The following AMPD1 variants were observed in gnomAD, a reference collection of about 807,000 sequenced individuals.
AMPD1 encodes the protein adenosine monophosphate deaminase 1.
A neutral mutation model predicts 82.9 loss-of-function variants in AMPD1; 74 were observed. The ratio of observed to expected loss-of-function variants is 0.89; its 90% CI spans 0.74 to 1.08. The LOEUF is 1.08. AMPD1 is among the 50% of genes least tolerant of loss of function. The pLI, the probability that AMPD1 is intolerant of heterozygous loss-of-function variation, is 0.00. For synonymous variants in AMPD1, 333 were observed against 320.5 expected, an observed-to-expected ratio of 1.04 and a Z score of -0.42; for missense variants, 881 against 924.5, an observed-to-expected ratio of 0.95 and a Z score of 0.61.
intron 9 of AMPD1, 57 bp downstream of exon 9, chr1:114,677,853 C>T: frequency 2.2e-6 from 3 of 1,378,750 alleles, no homozygotes; most frequent in Non-Finnish European, 2.9e-6. Context: ...TTCCTTCCTT[C>T]TTCCCTTTCC....
intron 6 of AMPD1, 75 bp from the exon 7 acceptor site, chr1:114,679,783 C>G: frequency 6.6e-7 from 1 of 1,515,834 alleles, no homozygotes; most frequent in South Asian, 1.1e-5. Context: ...TCAAAACTAT[C>G]AGGACCTTTA....
At chr1:114,686,393 G>A (rs1658318825) in intron 4 of AMPD1, among the ~76,000 whole-genome samples, 1 of 151,982 alleles carries the variant, frequency 6.6e-6, no homozygotes, top group Admixed American at 6.6e-5. Context: ...CCTCCCCAGA[G>A]GCTCCCTTTT....
At chr1:114,695,186 T>G (rs1361998579) in intron 1 of AMPD1, among the ~76,000 whole-genome samples, 2 of 152,118 alleles carry the variant, frequency 1.3e-5, no homozygotes, top group African/African-American at 4.8e-5. Flanking sequence ...AGAATAGATA[T>G]TAAATATTTC....
intron 12 of AMPD1, 120 bp downstream of exon 12, chr1:114,675,410 A>C: frequency 8.9e-7 from 1 of 1,118,202 alleles, no homozygotes; most frequent in Non-Finnish European, 1.3e-6. Context: ...GAAATTTCTG[A>C]TTTGGGCCAA....
chr1:114,677,819 T>TTCCTTCCG, intron 9 of AMPD1, 91 bp downstream of exon 9: 1 of 1,028,610 alleles, frequency 9.7e-7, no homozygotes, highest in Non-Finnish European at 1.4e-6. Flanking sequence ...CCTTCCTTCC[T>TTCCTTCCG]TCCTTCCTTC....
chr1:114,679,973 C>T (rs1658109327), intron 6 of AMPD1, among the ~76,000 whole-genome samples: 1 of 152,214 alleles, frequency 6.6e-6, no homozygotes, highest in African/African-American at 2.4e-5. Flanking sequence ...AGTTTGGGGT[C>T]AGCAGATTCG....
intron 9 of AMPD1, 128 bp from the exon 10 acceptor site, chr1:114,677,642 A>T: frequency 7.7e-7 from 1 of 1,297,330 alleles, no homozygotes; most frequent in African/African-American, 1.5e-5. Flanking sequence ...AATCAATCTC[A>T]AAACCACACC....
chr1:114,686,205 T>C (rs1367947935), intron 4 of AMPD1, among the ~76,000 whole-genome samples: 2 of 152,202 alleles, frequency 1.3e-5, no homozygotes, highest in African/African-American at 2.4e-5. Context: ...AAAAAAACAA[T>C]AGCCTCGTTA....
At chr1:114,684,663 A>G (rs1658260012) in intron 4 of AMPD1, among the ~76,000 whole-genome samples, 1 of 152,220 alleles carries the variant, frequency 6.6e-6, no homozygotes, top group Admixed American at 6.5e-5. Flanking sequence ...TATCTAGCAA[A>G]TAGGATTAAA....
chr1:114,691,921 T>A (rs1252142346), intron 2 of AMPD1, among the ~76,000 whole-genome samples: 1 of 151,932 alleles, frequency 6.6e-6, no homozygotes, highest in Non-Finnish European at 1.5e-5. Context: ...CAAGACTCCG[T>A]CTCAAAAATA....
At chr1:114,680,800 C>A in intron 5 of AMPD1, among the ~76,000 whole-genome samples, 1 of 152,094 alleles carries the variant, frequency 6.6e-6, no homozygotes, top group East Asian at 1.9e-4. Context: ...AACCCCGTCT[C>A]TACTACAAAT....
intron 1 of AMPD1, 25 bp downstream of exon 1, chr1:114,695,425 C>A (rs773350976): frequency 1.2e-6 from 2 of 1,611,550 alleles, no homozygotes; most frequent in Non-Finnish European, 1.7e-6. Context: ...AACAACTGAG[C>A]TCTCCAAACA....
Position 114,673,680 on chromosome 1 carries a change from C to T in AMPD1, c.2044G>A (p.Val682Met), listed in dbSNP as rs576161172. The change falls in exon 15 of 16, where the codon GTG becomes ATG. Residue 682 changes from valine to methionine, a missense_variant. By Grantham distance (21) the Val-to-Met change is conservative (BLOSUM62 1). Transcript: ENST00000520113. ...FKLSTCDMCE[V>M]ARNSVLQCGI... ...CACTGCAAGACACTGTTCCTTGCCACTTCGCACATATCACAGGTGCTCAGC... is the reference window on the plus strand; with the variant it reads ...CACTGCAAGACACTGTTCCTTGCCATTTCGCACATATCACAGGTGCTCAGC... The T allele has an allele frequency of 6.2e-7, 1 of 1,614,130 alleles. No individual in the cohort carries two copies. Among genetic ancestry groups the T allele is most frequent in the African/African-American group, 1.3e-5 (1 of 75,058 alleles).
chr1:114,677,266 G>C, intron 10 of AMPD1, 85 bp downstream of exon 10: 1 of 1,554,404 alleles, frequency 6.4e-7, no homozygotes, highest in South Asian at 1.1e-5. Flanking sequence ...TTTCTAGATG[G>C]GCAACACGTT....
intron 13 of AMPD1, among the ~76,000 whole-genome samples, chr1:114,674,333 C>T (rs1226051273): frequency 6.6e-6 from 1 of 152,134 alleles, no homozygotes; most frequent in Non-Finnish European, 1.5e-5. Context: ...TAATGGCCTA[C>T]GTTAGATGGT....
At chr1:114,691,799 C>T (rs1367432639) in intron 2 of AMPD1, among the ~76,000 whole-genome samples, 1 of 152,078 alleles carries the variant, frequency 6.6e-6, no homozygotes, top group Non-Finnish European at 1.5e-5. Context: ...GTGGCACGTG[C>T]CTGTAATCCC....
At chr1:114,678,615 T>C in intron 7 of AMPD1, 88 bp from the exon 8 acceptor site, 2 of 1,210,494 alleles carry the variant, frequency 1.7e-6, no homozygotes, top group Non-Finnish European at 2.4e-6. Context: ...CAAATCCCAC[T>C]GCGTTGGGAC....
chr1:114,691,754 C>T (rs752758921), intron 2 of AMPD1, among the ~76,000 whole-genome samples: 10 of 151,950 alleles, frequency 6.6e-5, no homozygotes, highest in Non-Finnish European at 1.5e-4. Flanking sequence ...GGTGAAACCA[C>T]GTCTCTACTA....
intron 4 of AMPD1, chr1:114,684,565 T>C: frequency 1.6e-6 from 1 of 621,022 alleles, no homozygotes; most frequent in Non-Finnish European, 2.8e-6. Context: ...TCTAGCTTCT[T>C]TATTTCTACC....
Sources: gnomAD v4.1 joint callset for allele counts (sites outside exome capture counted in the v4.1 genomes callset) on GRCh38, gnomAD v4.1.1 for gene constraint, MANE v1.5 for transcripts, NCBI Gene and HGNC (gene_info 2026-07-23, HGNC 2026-07-21) for gene names.